Variants in TMEM45A observed in about 807,000 individuals in gnomAD.
The protein encoded by TMEM45A is DNA polymerase-transactivated protein 4.
A neutral mutation model predicts 32.0 loss-of-function variants in TMEM45A; 25 were observed. The observed-to-expected ratio is 0.78, with a 90% CI of 0.57 to 1.09. TMEM45A has a LOEUF of 1.09. Ranked by LOEUF, TMEM45A falls within the 50% of genes least tolerant of loss-of-function variation. The probability of loss-of-function intolerance (pLI) is 0.00; values close to 1 mark genes in which losing one functional copy is unlikely to be tolerated. For missense variants in TMEM45A, 302 were observed against 325.0 expected, an observed-to-expected ratio of 0.93 and a Z score of 0.54; for synonymous variants, 122 against 114.8, an observed-to-expected ratio of 1.06 and a Z score of -0.40.
intron 1 of TMEM45A, among the ~76,000 whole-genome samples, chr3:100,533,497 C>T (rs1705687213): frequency 6.6e-6 from 1 of 152,064 alleles, no homozygotes; most frequent in Non-Finnish European, 1.5e-5. Flanking sequence ...ATTGTTTCTT[C>T]CTACACACTC....
chr3:100,539,444 T>TATATGC (rs1553682664), intron 1 of TMEM45A, among the ~76,000 whole-genome samples: 1 of 90,562 alleles, frequency 1.1e-5, no homozygotes. Context: ...TATGTATATG[T>TATATGC]ATATGTATAT....
At chr3:100,531,523 A>G (rs897192884) in intron 1 of TMEM45A, among the ~76,000 whole-genome samples, 2 of 152,168 alleles carry the variant, frequency 1.3e-5, no homozygotes, top group Non-Finnish European at 2.9e-5. Context: ...TTAAGGAAGA[A>G]AGAAGATGGG....
intron 1 of TMEM45A, among the ~76,000 whole-genome samples, chr3:100,505,757 C>T (rs933979645): frequency 2.6e-5 from 4 of 152,080 alleles, no homozygotes; most frequent in Non-Finnish European, 5.9e-5. Context: ...TTTGAAACAC[C>T]AGTCATCAGG....
intron 4 of TMEM45A, 110 bp downstream of exon 4, chr3:100,558,699 G>T: frequency 9.2e-7 from 1 of 1,088,462 alleles, no homozygotes. Context: ...ACTGCCTGTA[G>T]TAAGATCATG....
chr3:100,507,198 T>C (rs1362663828), intron 1 of TMEM45A, among the ~76,000 whole-genome samples: 1 of 152,232 alleles, frequency 6.6e-6, no homozygotes, highest in Admixed American at 6.5e-5. Context: ...AACCTGACAC[T>C]CTGTCATTAG....
chr3:100,541,918 C>G (rs1280321329), intron 1 of TMEM45A, among the ~76,000 whole-genome samples: 4 of 152,194 alleles, frequency 2.6e-5, no homozygotes, highest in Admixed American at 2.6e-4. Flanking sequence ...GTCCTTTCCC[C>G]TTAGCTTATT....
chr3:100,539,467 G>A (rs1705812742), intron 1 of TMEM45A, among the ~76,000 whole-genome samples: 1 of 137,564 alleles, frequency 7.3e-6, no homozygotes, highest in South Asian at 2.4e-4. Context: ...ATATGTATAT[G>A]TATATGTATA....
chr3:100,550,693 A>G (rs1207468713), intron 1 of TMEM45A, among the ~76,000 whole-genome samples: 1 of 152,202 alleles, frequency 6.6e-6, no homozygotes, highest in Non-Finnish European at 1.5e-5. Context: ...GGCTGTTAAC[A>G]TCTGGGAATT....
At chr3:100,559,454 A>C (rs1706285506) in intron 4 of TMEM45A, among the ~76,000 whole-genome samples, 2 of 152,208 alleles carry the variant, frequency 1.3e-5, no homozygotes, top group Admixed American at 1.3e-4. Flanking sequence ...AAAAGATGCA[A>C]TATTTAAGCA....
intron 1 of TMEM45A, among the ~76,000 whole-genome samples, chr3:100,508,214 C>T (rs901616085): frequency 6.6e-6 from 1 of 152,098 alleles, no homozygotes; most frequent in African/African-American, 2.4e-5. Flanking sequence ...AGGAAACTTC[C>T]TGGAGCCCAC....
chr3:100,542,999 A>G (rs967831067), intron 1 of TMEM45A, among the ~76,000 whole-genome samples: 2 of 152,188 alleles, frequency 1.3e-5, no homozygotes, highest in African/African-American at 2.4e-5. Flanking sequence ...CACTATACCC[A>G]GGTAACAAAG....
At chr3:100,508,878 T>C (rs914334645) in intron 1 of TMEM45A, among the ~76,000 whole-genome samples, 6 of 149,030 alleles carry the variant, frequency 4.0e-5, no homozygotes, top group African/African-American at 1.5e-4. Context: ...GAAGACAACA[T>C]AGGGGAAACA....
chr3:100,536,538 T>C (rs898071375), intron 1 of TMEM45A, among the ~76,000 whole-genome samples: 1 of 152,230 alleles, frequency 6.6e-6, no homozygotes, highest in Non-Finnish European at 1.5e-5. Flanking sequence ...TAAATATTTG[T>C]TGAAAGCATG....
intron 1 of TMEM45A, among the ~76,000 whole-genome samples, chr3:100,506,324 C>T (rs983231482): frequency 6.6e-6 from 1 of 152,094 alleles, no homozygotes; most frequent in African/African-American, 2.4e-5. Context: ...TACTTAAGCT[C>T]ATCCCAGAAC....
chr3:100,529,217 A>G (rs887458093), intron 1 of TMEM45A, among the ~76,000 whole-genome samples: 2 of 152,200 alleles, frequency 1.3e-5, no homozygotes, highest in Non-Finnish European at 2.9e-5. Flanking sequence ...GGCTTTAACA[A>G]TTAACAGAAA....
chr3:100,556,982 A>G lies in TMEM45A; in HGVS notation c.403+10A>G, dbSNP rs770656025. The G allele has an allele frequency of 1.2e-6, 2 of 1,613,444 alleles. No individual in the cohort carries two copies. The highest frequency in any genetic ancestry group is 1.7e-6 in the Non-Finnish European group (2 of 1,179,432). ...GCCTTATTTGTGGAGGGTAAGTGTT[A>G]GTGAGTATTTTCATGTACCTTTCTC... On this transcript the variant is annotated intron_variant, in intron 3 of 5. Transcript: ENST00000323523.
chr3:100,493,120 C>CATTTTTTTTTTTTTTTTTTTT (rs1559630375), intron 1 of TMEM45A, among the ~76,000 whole-genome samples, 192 bp downstream of exon 1: 2 of 115,918 alleles, frequency 1.7e-5, no homozygotes, highest in African/African-American at 6.9e-5. Context: ...GTTTGCTATT[C>CATTTTTTTTTTTTTTTTTTTT]TTTTTTTTTT....
intron 1 of TMEM45A, among the ~76,000 whole-genome samples, chr3:100,521,823 G>A (rs1372823883): frequency 6.6e-6 from 1 of 152,198 alleles, no homozygotes; most frequent in Non-Finnish European, 1.5e-5. Flanking sequence ...ACGTCCTCTA[G>A]GCTGGCCCCA....
At chr3:100,508,619 G>A (rs529861074) in intron 1 of TMEM45A, among the ~76,000 whole-genome samples, 3 of 152,176 alleles carry the variant, frequency 2.0e-5, no homozygotes, top group Non-Finnish European at 2.9e-5. Flanking sequence ...GACACATAGA[G>A]AAGTGGAACA....
Sources: gnomAD v4.1 joint callset for allele counts (sites outside exome capture counted in the v4.1 genomes callset) on GRCh38, gnomAD v4.1.1 for gene constraint, MANE v1.5 for transcripts, NCBI Gene and HGNC (gene_info 2026-07-23, HGNC 2026-07-21) for gene names.